ASIP: variants seen among roughly 807,000 people sequenced by gnomAD.
ASIP encodes the protein agouti-signaling protein.
In ASIP, 11 loss-of-function variants were observed where a neutral mutation model predicts 10.3. The ratio of observed to expected loss-of-function variants is 1.07; its 90% CI spans 0.68 to 1.78. The LOEUF (loss-of-function observed/expected upper bound fraction) is 1.78. ASIP is among the 40% of genes most tolerant of loss of function. The pLI is 0.00. For synonymous variants in ASIP, 70 were observed against 70.8 expected (o/e 0.99, Z 0.06); for missense variants, 180 against 169.2 (o/e 1.06, Z -0.35).
At chr20:34,201,060 C>CTTTCTTTCTT (rs1568744601) in intron 1 of ASIP, among the ~76,000 whole-genome samples, 1 of 94,042 alleles carries the variant, frequency 1.1e-5, no homozygotes, top group Non-Finnish European at 2.4e-5. Context: ...TTCTTTCTTT[C>CTTTCTTTCTT]TTTTTTTTCC....
intron 1 of ASIP, among the ~76,000 whole-genome samples, chr20:34,241,797 G>T (rs1315194504): frequency 2.6e-5 from 4 of 152,172 alleles, no homozygotes; most frequent in Non-Finnish European, 4.4e-5. Flanking sequence ...TGACCCCAAA[G>T]TCACACTTTA....
At chr20:34,258,425 G>A (rs2035611479) in intron 1 of ASIP, among the ~76,000 whole-genome samples, 1 of 149,544 alleles carries the variant, frequency 6.7e-6, no homozygotes, top group South Asian at 2.1e-4. Flanking sequence ...CATATGAAAT[G>A]TGAGAAGGGC....
chr20:34,241,430 C>T lies in ASIP; in HGVS notation c.-70C>T, dbSNP rs2035281856. 1.0e-6 allele frequency: 1 copy of T among 984,882 alleles called. No homozygotes were observed. Among genetic ancestry groups the T allele is most frequent in the African/African-American group, 1.7e-5 (1 of 57,350 alleles). 61.0% of individuals were successfully genotyped at this position (984,882 alleles called of 1,614,324 possible). A position where few individuals can be genotyped will look rare whatever the true frequency, so the allele number is the denominator to read the frequency against. On this transcript the variant is annotated 5_prime_UTR_variant, in exon 1 of 4. Coordinates refer to ENST00000374954, the MANE Select transcript of ASIP (RefSeq NM_001672.3). Reference sequence around the variant, plus strand: ...AGTTATAGATGAGCAAGCAGCAAATCTCTACAGCTGCAAGGTGAAAAAGGA... The same window carrying T: ...AGTTATAGATGAGCAAGCAGCAAATTTCTACAGCTGCAAGGTGAAAAAGGA...
At position 34,215,752 on chromosome 20, in the gene ASIP, A is replaced by C; in HGVS notation, c.-11+20992A>C. On this transcript the variant is annotated intron_variant, in intron 1 of 3. Coordinates refer to the ASIP transcript ENST00000568305. Reference sequence around the variant, plus strand: ...AGAAAAACTTTACATGATCATCACTATATGTCCTCTGGGCTAGAGCTTCTG... The same window carrying C: ...AGAAAAACTTTACATGATCATCACTCTATGTCCTCTGGGCTAGAGCTTCTG... 2.7e-6 allele frequency: 4 copies of C among 1,489,512 alleles called. No individual in the cohort carries two copies. The South Asian group carries it at 4.5e-5, about 17-fold the overall frequency. 92.3% of individuals were successfully genotyped at this position (1,489,512 alleles called of 1,614,324 possible).
intron 1 of ASIP, among the ~76,000 whole-genome samples, chr20:34,257,098 T>C (rs1221014847): frequency 6.6e-6 from 1 of 150,970 alleles, no homozygotes; most frequent in East Asian, 1.9e-4. Context: ...TTGTTTTTTG[T>C]TTTTTGAGAC....
At chr20:34,264,137 A>G (rs982743847) in intron 3 of ASIP, among the ~76,000 whole-genome samples, 3 of 152,324 alleles carry the variant, frequency 2.0e-5, no homozygotes, top group African/African-American at 7.2e-5. Flanking sequence ...ATATACATAA[A>G]TCTATTATAA....
At chr20:34,214,946 T>C (rs1330494569) in intron 1 of ASIP, 2 of 1,418,654 alleles carry the variant, frequency 1.4e-6, no homozygotes, top group African/African-American at 2.8e-5. Flanking sequence ...GTTAATTTAC[T>C]CCAACTAACT....
intron 1 of ASIP, among the ~76,000 whole-genome samples, chr20:34,257,407 C>T (rs1256650931): frequency 1.3e-5 from 2 of 152,068 alleles, no homozygotes. Context: ...TTCTAATTTG[C>T]CTTCCTAATT....
At chr20:34,241,885 T>A (rs1394525744) in intron 1 of ASIP, among the ~76,000 whole-genome samples, 1 of 152,232 alleles carries the variant, frequency 6.6e-6, no homozygotes, top group East Asian at 1.9e-4. Context: ...AATTTAGGAT[T>A]TAGGGATCAG....
At chr20:34,261,174 C>G (rs903971663) in intron 2 of ASIP, among the ~76,000 whole-genome samples, 17 of 152,296 alleles carry the variant, frequency 1.1e-4, no homozygotes, top group African/African-American at 3.8e-4. Flanking sequence ...AAACTAATAT[C>G]TCTTACTACC....
intron 1 of ASIP, among the ~76,000 whole-genome samples, chr20:34,235,896 A>AGC (rs2035192404): frequency 1.0e-5 from 1 of 95,754 alleles, no homozygotes; most frequent in African/African-American, 1.3e-4. Flanking sequence ...GAAGGAAGGA[A>AGC]GGAAAGGAAG....
chr20:34,202,307 G>A (rs2034905018), intron 1 of ASIP, among the ~76,000 whole-genome samples: 1 of 152,170 alleles, frequency 6.6e-6, no homozygotes, highest in South Asian at 2.1e-4. Context: ...TTGAGCAATT[G>A]AAATACTACA....
At chr20:34,208,910 G>A (rs796378953) in intron 1 of ASIP, among the ~76,000 whole-genome samples, 13 of 152,202 alleles carry the variant, frequency 8.5e-5, no homozygotes, top group African/African-American at 3.1e-4. Flanking sequence ...TTCTCAAATT[G>A]TTCACAGTTG....
At chr20:34,213,624 G>A in intron 1 of ASIP, 8 of 1,565,106 alleles carry the variant, frequency 5.1e-6, no homozygotes, top group Non-Finnish European at 5.3e-6. Flanking sequence ...CCGTAATCTG[G>A]TTGATAAGAG....
At chr20:34,189,054 C>T in the ASIP span, among the ~76,000 whole-genome samples, 2 of 152,106 alleles carry the variant, frequency 1.3e-5, no homozygotes, top group Non-Finnish European at 2.9e-5. Flanking sequence ...ACAATAATGA[C>T]ACTATCGAGT....
intron 1 of ASIP, chr20:34,246,546 A>G: frequency 1.1e-6 from 1 of 952,338 alleles, no homozygotes; most frequent in South Asian, 1.3e-5. Flanking sequence ...GCTCACTGCA[A>G]CCTCTGCCTC....
intron 2 of ASIP, among the ~76,000 whole-genome samples, chr20:34,260,780 G>A (rs912786052): frequency 2.6e-5 from 4 of 152,218 alleles, no homozygotes; most frequent in Non-Finnish European, 2.9e-5. Flanking sequence ...TAAGACACTT[G>A]GTGAACTTTG....
At chr20:34,197,441 C>T (rs920068125) in intron 1 of ASIP, among the ~76,000 whole-genome samples, 5 of 152,214 alleles carry the variant, frequency 3.3e-5, no homozygotes, top group African/African-American at 1.2e-4. Flanking sequence ...GGTTAGCCTC[C>T]TCTCAAGTGC....
At chr20:34,235,880 AG>A (rs1568756297) in intron 1 of ASIP, among the ~76,000 whole-genome samples, 2 of 98,866 alleles carry the variant, frequency 2.0e-5, no homozygotes, top group African/African-American at 1.2e-4. Context: ...GAAGGAAGGA[AG>A]GAAGGAAGGA....
Sources: gnomAD v4.1 joint callset for allele counts (sites outside exome capture counted in the v4.1 genomes callset) on GRCh38, gnomAD v4.1.1 for gene constraint, MANE v1.5 for transcripts, NCBI Gene and HGNC (gene_info 2026-07-23, HGNC 2026-07-21) for gene names.